Variants in PGD observed in about 807,000 individuals in gnomAD.
PGD encodes the protein 6-phosphogluconate dehydrogenase, decarboxylating.
Under a neutral mutation model 60.4 loss-of-function variants are expected in PGD, and 21 were observed. That is an observed-to-expected ratio of 0.35 (90% CI 0.25 to 0.50). The LOEUF (loss-of-function observed/expected upper bound fraction) is 0.50. PGD is among the 20% of genes least tolerant of loss of function. The pLI is 0.98. For missense variants in PGD, 477 were observed against 613.1 expected (o/e 0.78, Z 2.34); for synonymous variants, 230 against 235.9 (o/e 0.97, Z 0.23).
rs1213355015 is a variant in PGD, at chr1:10,406,388, G to GA, written c.450-1671dup. On this transcript the variant is annotated intron_variant, in intron 5 of 12. Transcript: ENST00000270776. ...AACATAGCAAGACCCTGTTTCTTAAGAAAAAAAAAAAAGGTTTGAAAATAC... is the reference window on the plus strand; with the variant it reads ...AACATAGCAAGACCCTGTTTCTTAAGAAAAAAAAAAAAAGGTTTGAAAATAC... Among the ~76,000 whole-genome samples, 472 of 133,936 alleles carry GA rather than the reference G, an allele frequency of 3.5e-3. 1 individual carries two copies. The highest frequency in any genetic ancestry group is 5.4e-3 in the Non-Finnish European group (328 of 61,150). The allele number at this position is 133,936 out of a possible 152,430, so 87.9% of individuals were successfully genotyped here. A position where few individuals can be genotyped will look rare whatever the true frequency, so the allele number is the denominator to read the frequency against.
intron 8 of PGD, among the ~76,000 whole-genome samples, chr1:10,414,499 C>T (rs58000391): frequency 6.6e-6 from 1 of 151,750 alleles, no homozygotes; most frequent in Non-Finnish European, 1.5e-5. Flanking sequence ...CTCAGCCTCC[C>T]GAGTAGCTGG....
intron 1 of PGD, 30 bp from the exon 2 acceptor site, chr1:10,399,599 C>CT (rs1557757768): frequency 6.2e-7 from 1 of 1,606,714 alleles, no homozygotes; most frequent in Non-Finnish European, 8.5e-7. Context: ...GGTGCTGACT[C>CT]TTTCCTTTGT....
intron 2 of PGD, 40 bp downstream of exon 2, chr1:10,399,744 G>C (rs767951217): frequency 6.3e-7 from 1 of 1,589,028 alleles, no homozygotes; most frequent in East Asian, 2.2e-5. Context: ...CTGGTTCCCG[G>C]GCGCTTTAGC....
At chr1:10,403,570 G>A (rs1476653725) in intron 4 of PGD, among the ~76,000 whole-genome samples, 1 of 133,968 alleles carries the variant, frequency 7.5e-6, no homozygotes, top group Non-Finnish European at 1.5e-5. Flanking sequence ...CAGCCTGGGC[G>A]ACAGAGTGAA....
intron 8 of PGD, among the ~76,000 whole-genome samples, chr1:10,413,606 A>G (rs1463987739): frequency 6.6e-6 from 1 of 152,176 alleles, no homozygotes. Context: ...TTTTCATAGA[A>G]AAGTTCATGA....
intron 3 of PGD, among the ~76,000 whole-genome samples, chr1:10,401,851 TA>T (rs1639320690): frequency 6.6e-6 from 1 of 151,906 alleles, no homozygotes; most frequent in Non-Finnish European, 1.5e-5. Flanking sequence ...CCATCTCTAC[TA>T]AAAATACAAA....
At chr1:10,414,477 T>C (rs57772190) in intron 8 of PGD, among the ~76,000 whole-genome samples, 2 of 151,888 alleles carry the variant, frequency 1.3e-5, no homozygotes, top group African/African-American at 4.8e-5. Flanking sequence ...CGGGTTCAAG[T>C]GATTCTCCTG....
Position 10,408,121 on chromosome 1 carries a change from G to A in PGD, c.500G>A (p.Gly167Glu). The A allele has an allele frequency of 1.2e-6, 2 of 1,601,446 alleles. 1 individual carries two copies. Among genetic ancestry groups the A allele is most frequent in the East Asian group, 4.5e-5 (2 of 44,812 alleles). ...FQGIAAKVGT[G>E]EPCCDWVGDE... ...GGCATTGCTGCAAAAGTGGGAACTGGAGAACCCTGCTGTGACTGGGCAAGT... is the reference window on the plus strand; with the variant it reads ...GGCATTGCTGCAAAAGTGGGAACTGAAGAACCCTGCTGTGACTGGGCAAGT... The change falls in exon 6 of 13, where the codon GGA becomes GAA. Residue 167 changes from glycine (G) to glutamate (E), a missense_variant. Gly to Glu is a moderately conservative substitution (Grantham distance 98). This residue lies in a region of PGD where 431 missense variants were observed against 556.6 expected (regional missense o/e 0.77). Transcript: ENST00000270776.
At chr1:10,412,327 G>A (rs990661599) in intron 7 of PGD, among the ~76,000 whole-genome samples, 1 of 152,156 alleles carries the variant, frequency 6.6e-6, no homozygotes, top group Non-Finnish European at 1.5e-5. Flanking sequence ...AGAATTTCTA[G>A]TTTCAGTTAT....
At chr1:10,401,185 C>A (rs1014457034) in intron 3 of PGD, among the ~76,000 whole-genome samples, 1 of 151,896 alleles carries the variant, frequency 6.6e-6, no homozygotes, top group Non-Finnish European at 1.5e-5. Context: ...GGCGACAGAG[C>A]GAGACTCCGT....
In PGD at chr1:10,413,248, A is replaced by G. The variant is rs754072870; in HGVS notation, c.841A>G (p.Ile281Val). 1 of 1,613,536 alleles carries G rather than the reference A, an allele frequency of 6.2e-7. No homozygotes were observed. The change falls in exon 8 of 13, where the codon ATT becomes GTT. Residue 281 changes from isoleucine (I) to valine (V), a missense_variant. Physicochemically the swap from Ile to Val is conservative, Grantham distance 29. Around this residue, in one of 3 missense-constraint regions of PGD, gnomAD observed 431 missense variants for 556.6 expected, o/e 0.77. Coordinates refer to ENST00000270776, the MANE Select transcript of PGD (RefSeq NM_002631.4). Reference protein sequence around the residue: ...ALEYGVPVTLIGEAVFARCLS... With the variant: ...ALEYGVPVTLVGEAVFARCLS... The stretch of plus-strand genomic sequence containing the variant: ...GGAATACGGCGTACCCGTCACCCTC[A>G]TTGGTAATGTTATGCTTTTCACATG...
chr1:10,404,540 C>T (rs557109779), intron 5 of PGD, among the ~76,000 whole-genome samples: 1 of 150,970 alleles, frequency 6.6e-6, no homozygotes, highest in African/African-American at 2.4e-5. Flanking sequence ...TTTTTTCCCG[C>T]CCAGGCAGGA....
At chr1:10,416,640 G>A (rs565267608) in intron 8 of PGD, among the ~76,000 whole-genome samples, 48 of 152,274 alleles carry the variant, frequency 3.2e-4, no homozygotes, top group African/African-American at 1.1e-3. Context: ...GATAGGGGTG[G>A]GGCCATTTTA....
intron 2 of PGD, 30 bp downstream of exon 2, chr1:10,399,734 C>T (rs1471348992): frequency 3.1e-6 from 5 of 1,603,914 alleles, no homozygotes; most frequent in African/African-American, 2.7e-5. Flanking sequence ...TGTCTTCTCT[C>T]TGGTTCCCGG....
intron 6 of PGD, among the ~76,000 whole-genome samples, chr1:10,409,868 C>T (rs1035721025): frequency 2.0e-5 from 3 of 151,954 alleles, no homozygotes; most frequent in Non-Finnish European, 4.4e-5. Context: ...GTTGCCCAAG[C>T]TGGTCTTAAA....
At position 10,410,498 on chromosome 1, in the gene PGD, C is replaced by A. The variant is rs546839414; in HGVS notation, c.520-920C>A. On this transcript the variant is annotated intron_variant, in intron 6 of 12. Transcript: ENST00000270776. ...CCTGATGTGAGCGTCAGTTATACAACTGACGGTCCAGGTGGTGACAGCCAG... is the reference window on the plus strand; with the variant it reads ...CCTGATGTGAGCGTCAGTTATACAAATGACGGTCCAGGTGGTGACAGCCAG... Among the ~76,000 whole-genome samples, 111 of 151,974 alleles carry A rather than the reference C, an allele frequency of 7.3e-4. 1 individual carries two copies. The highest frequency in any genetic ancestry group is 2.7e-3 in the African/African-American group (110 of 41,460).
rs772295405 is a variant in PGD at position 10,418,810 on chromosome 1, C to A, written c.1110-16C>A. The stretch of plus-strand genomic sequence containing the variant: ...AAAAAAGACTCATTGCTTTTTTCCC[C>A]CCTTGATTATTTCAGTGTATTCCTA... On this transcript the variant is annotated splice_polypyrimidine_tract_variant and intron_variant, in intron 10 of 12. Coordinates refer to ENST00000270776, the MANE Select transcript of PGD (RefSeq NM_002631.4). The A allele has an allele frequency of 4.1e-6, 6 of 1,448,688 alleles. No individual in the cohort carries two copies. The highest frequency in any genetic ancestry group is 1.4e-5 in the African/African-American group (1 of 70,236). 89.7% of individuals were successfully genotyped at this position (1,448,688 alleles called of 1,614,324 possible).
At chr1:10,402,843 T>C (rs1367214760) in intron 3 of PGD, among the ~76,000 whole-genome samples, 2 of 152,042 alleles carry the variant, frequency 1.3e-5, no homozygotes, top group African/African-American at 4.8e-5. Context: ...ATTTTAAAAC[T>C]AGCTGGGCAT....
intron 1 of PGD, 61 bp from the exon 2 acceptor site, chr1:10,399,568 C>T: frequency 2.1e-6 from 3 of 1,463,304 alleles, no homozygotes; most frequent in Non-Finnish European, 1.9e-6. Context: ...GACCGGACCC[C>T]TGGGTTGCAG....
Sources: allele counts gnomAD v4.1 joint callset (sites outside exome capture counted in the v4.1 genomes callset), GRCh38; gene constraint gnomAD v4.1.1; regional missense constraint gnomAD v4.1.1; transcripts MANE v1.5; gene names NCBI Gene and HGNC (gene_info 2026-07-23, HGNC 2026-07-21).